The following H2BC4 variants were observed in gnomAD, a reference collection of about 807,000 sequenced individuals.
H2BC4 encodes the protein histone H2B type 1-C/E/F/G/I.
A neutral mutation model predicts 6.2 loss-of-function variants in H2BC4; 10 were observed. That is an observed-to-expected ratio of 1.61 (90% CI 0.99 to 2.73). The LOEUF (loss-of-function observed/expected upper bound fraction) is 2.73, where lower values mean the gene tolerates loss of function less well. Among genes scored for constraint, H2BC4 ranks in the 30% most tolerant of loss-of-function variants. The probability of loss-of-function intolerance (pLI) is 0.00; values close to 1 mark genes in which losing one functional copy is unlikely to be tolerated. For synonymous variants in H2BC4, 146 were observed against 70.7 expected, an observed-to-expected ratio of 2.07 and a Z score of -5.35; for missense variants, 176 against 168.7, an observed-to-expected ratio of 1.04 and a Z score of -0.24.
chr6:26,115,082 T>G (rs938952477), exon 2 of H2BC4: 4 of 152,180 alleles, frequency 2.6e-5, no homozygotes, highest in Non-Finnish European at 5.9e-5. Context: ...GATGAAACAG[T>G]GTCCAGCAGT....
downstream of H2BC4, among the ~76,000 whole-genome samples, chr6:26,122,444 T>C (rs1316176956): frequency 1.3e-5 from 2 of 152,222 alleles, no homozygotes; most frequent in African/African-American, 4.8e-5. Flanking sequence ...ACCCTTCATC[T>C]TAAAATCTTT....
At chr6:26,121,104 C>T (rs553269755), downstream of H2BC4, among the ~76,000 whole-genome samples, 28 of 152,280 alleles carry the variant, frequency 1.8e-4, no homozygotes, top group African/African-American at 6.7e-4. Context: ...AAGAGGCATA[C>T]AAGCACAAAA....
In H2BC4 at chr6:26,123,838, G is replaced by C; in HGVS notation, c.67C>G (p.Gln23Glu). 1 of 1,614,192 alleles carries C rather than the reference G, an allele frequency of 6.2e-7. No individual in the cohort carries two copies. Among genetic ancestry groups the C allele is most frequent in the Non-Finnish European group, 8.5e-7 (1 of 1,180,028 alleles). The part of the protein sequence containing the change: ...KGSKKAVTKA[Q>E]KKDGKKRKRS... ...TTGCGCTTCTTGCCATCTTTCTTCT[G>C]CGCTTTGGTCACTGCCTTCTTGGAG... is the stretch of plus-strand genomic sequence containing the variant. The change falls in exon 1 of 1, where the codon CAG (glutamine) becomes GAG (glutamate). Residue 23 changes from glutamine to glutamate, a missense_variant. Transcript: ENST00000396984.
At chr6:26,116,599 C>T (rs1454607626) in intron 1 of H2BC4, among the ~76,000 whole-genome samples, 2 of 152,090 alleles carry the variant, frequency 1.3e-5, no homozygotes, top group Non-Finnish European at 1.5e-5. Context: ...ACTCAGGATG[C>T]TGAGGCAGGA....
chr6:26,122,805 G>A (rs2113798324), downstream of H2BC4, among the ~76,000 whole-genome samples: 1 of 152,334 alleles, frequency 6.6e-6, no homozygotes, highest in Non-Finnish European at 1.5e-5. Flanking sequence ...AATTTGATTT[G>A]ATTTGAATCT....
chr6:26,120,814 T>C (rs1006377696), downstream of H2BC4, among the ~76,000 whole-genome samples: 2 of 152,228 alleles, frequency 1.3e-5, no homozygotes, highest in African/African-American at 4.8e-5. Flanking sequence ...ATTATGTTTC[T>C]TCTGTCCTCT....
chr6:26,114,059 G>T (rs867194453), downstream of H2BC4, among the ~76,000 whole-genome samples: 1 of 151,982 alleles, frequency 6.6e-6, no homozygotes. Flanking sequence ...TGAATTTGGG[G>T]GGATGGGGAG....
At chr6:26,113,485 GCTAT>G (rs1763384541), downstream of H2BC4, among the ~76,000 whole-genome samples, 1 of 152,194 alleles carries the variant, frequency 6.6e-6, no homozygotes, top group African/African-American at 2.4e-5. Flanking sequence ...CTGTGAGGTG[GCTAT>G]CTACATGTGG....
At position 26,123,926 on chromosome 6, in the gene H2BC4, C is replaced by G. The variant is rs1277295827; in HGVS notation, c.-22G>C. 3 of 1,609,506 alleles carry G rather than the reference C, an allele frequency of 1.9e-6. No individual in the cohort carries two copies. The highest frequency in any genetic ancestry group is 2.5e-6 in the Non-Finnish European group (3 of 1,178,894). ...GCATCTTAAAACACCAGAAATGTGT[C>G]GAAAGTAAAGAGCGGATTTCTGCTA... On this transcript the variant is annotated 5_prime_UTR_variant, in exon 1 of 1. Coordinates refer to ENST00000396984, the MANE Select transcript of H2BC4 (RefSeq NM_003526.3).
At chr6:26,123,253 T>C (rs1261936897), downstream of H2BC4, 1 of 534,412 alleles carries the variant, frequency 1.9e-6, no homozygotes, top group Non-Finnish European at 3.1e-6. Context: ...GAACGCCGAG[T>C]TAGCAAAATG....
chr6:26,123,811 G>A lies in H2BC4; in HGVS notation c.94C>T (p.Arg32Cys), dbSNP rs2113800237. 6.2e-7 allele frequency: 1 copy of A among 1,614,246 alleles called. No individual in the cohort carries two copies. The highest frequency in any genetic ancestry group is 8.5e-7 in the Non-Finnish European group (1 of 1,180,042). ...AQKKDGKKRKRSRKESYSVYV... is the reference protein window; with the variant it reads ...AQKKDGKKRKCSRKESYSVYV... Reference sequence around the variant, plus strand: ...ACAGAGTAACTCTCCTTGCGGCTGCGCTTGCGCTTCTTGCCATCTTTCTTC... The same window carrying A: ...ACAGAGTAACTCTCCTTGCGGCTGCACTTGCGCTTCTTGCCATCTTTCTTC... The change falls in exon 1 of 1, where the codon CGC becomes TGC. Residue 32 changes from arginine (R) to cysteine (C), a missense_variant. Physicochemically the swap from Arg to Cys is radical, Grantham distance 180. Transcript: ENST00000396984.
At chr6:26,116,856 T>C (rs1472318635) in intron 1 of H2BC4, among the ~76,000 whole-genome samples, 3 of 152,196 alleles carry the variant, frequency 2.0e-5, no homozygotes, top group Non-Finnish European at 4.4e-5. Context: ...GAGCCTAGAA[T>C]ACCTTTCAGG....
At chr6:26,118,130 TTTTTG>T (rs1477594505) in intron 1 of H2BC4, among the ~76,000 whole-genome samples, 2 of 152,328 alleles carry the variant, frequency 1.3e-5, no homozygotes, top group East Asian at 3.9e-4. Flanking sequence ...TTTGTTTAGT[TTTTTG>T]TTTTTTGTTT....
intron 1 of H2BC4, among the ~76,000 whole-genome samples, chr6:26,115,706 G>C (rs1763409497): frequency 6.6e-6 from 1 of 152,140 alleles, no homozygotes; most frequent in South Asian, 2.1e-4. Context: ...CACTCTTGAG[G>C]CTAGCAGTTT....
downstream of H2BC4, chr6:26,123,386 C>G: frequency 7.1e-7 from 1 of 1,411,504 alleles, no homozygotes; most frequent in Non-Finnish European, 9.5e-7. Context: ...TGTCCCCACC[C>G]CTCTCCAGTT....
chr6:26,122,157 G>C (rs1023254191), downstream of H2BC4, among the ~76,000 whole-genome samples: 5 of 152,064 alleles, frequency 3.3e-5, no homozygotes, highest in African/African-American at 1.2e-4. Context: ...AAGGCAGCCT[G>C]TGATTGCACA....
intron 1 of H2BC4, among the ~76,000 whole-genome samples, chr6:26,116,377 A>T (rs1763419973): frequency 6.6e-6 from 1 of 152,142 alleles, no homozygotes; most frequent in African/African-American, 2.4e-5. Flanking sequence ...TCCCATTATT[A>T]TTACATATTT....
chr6:26,113,170 T>C (rs198837), downstream of H2BC4, among the ~76,000 whole-genome samples: 4 of 151,926 alleles, frequency 2.6e-5, no homozygotes, highest in African/African-American at 9.7e-5. Context: ...ATACAGCATA[T>C]CTCCTTCCAG....
downstream of H2BC4, among the ~76,000 whole-genome samples, chr6:26,121,746 G>A (rs796948780): frequency 2.0e-5 from 3 of 151,588 alleles, no homozygotes; most frequent in African/African-American, 7.2e-5. Context: ...GTCCATTAGA[G>A]GCATAGAAAA....
Sources: allele counts gnomAD v4.1 joint callset (sites outside exome capture counted in the v4.1 genomes callset), GRCh38; gene constraint gnomAD v4.1.1; transcripts MANE v1.5; gene names NCBI Gene and HGNC (gene_info 2026-07-23, HGNC 2026-07-21).